AKR1C3: variants seen among roughly 807,000 people sequenced by gnomAD.
The protein encoded by AKR1C3 is 3-alpha hydroxysteroid dehydrogenase, type II.
AKR1C3 carries 48 observed loss-of-function variants against 43.6 expected under a neutral mutation model. The ratio of observed to expected loss-of-function variants is 1.10; its 90% CI spans 0.87 to 1.40. The LOEUF (loss-of-function observed/expected upper bound fraction) is 1.40, where lower values mean the gene tolerates loss of function less well. Among genes scored for constraint, AKR1C3 ranks in the 40% most tolerant of loss-of-function variants. AKR1C3 has a pLI of 0.00. For synonymous variants in AKR1C3, 162 were observed against 139.6 expected (o/e 1.16, Z -1.13); for missense variants, 482 against 391.2 (o/e 1.23, Z -1.96).
chr10:5,057,626 G>A (rs1469104762), intron 1 of AKR1C3, among the ~76,000 whole-genome samples: 2 of 152,148 alleles, frequency 1.3e-5, no homozygotes, highest in African/African-American at 4.8e-5. Context: ...AATAATTCAT[G>A]TGCTTTTTTC....
In AKR1C3 at chr10:5,107,553, G is replaced by A; in HGVS notation, c.*50G>A. Reference sequence around the variant, plus strand: ...ACCAGAAGCCCTGTGTGTGGATGGTGACGCAGAGGACGTCTCTATGCCGGT... The same window carrying A: ...ACCAGAAGCCCTGTGTGTGGATGGTAACGCAGAGGACGTCTCTATGCCGGT... On this transcript the variant is annotated 3_prime_UTR_variant, in exon 9 of 9. Transcript: ENST00000380554. 5 of 1,407,540 alleles carry A rather than the reference G, an allele frequency of 3.6e-6. No homozygotes were observed. The highest frequency in any genetic ancestry group is 5.0e-6 in the Non-Finnish European group (5 of 997,396). 87.2% of individuals were successfully genotyped at this position (1,407,540 alleles called of 1,614,324 possible). A position where few individuals can be genotyped will look rare whatever the true frequency, so the allele number is the denominator to read the frequency against.
In AKR1C3 at chr10:5,105,694, A is replaced by G; in HGVS notation, c.929+17A>G. 1 of 1,584,232 alleles carries G rather than the reference A, an allele frequency of 6.3e-7. No homozygotes were observed. Among genetic ancestry groups the G allele is most frequent in the Non-Finnish European group, 8.7e-7 (1 of 1,154,114 alleles). ...CAGTGATAGGTAAGTTTCCTTTGTA[A>G]ATGGGTGATCTAATTTATTTCTGGA... On this transcript the variant is annotated intron_variant, in intron 8 of 8. Transcript: ENST00000380554.
At chr10:5,107,148 G>A (rs1839525725) in intron 8 of AKR1C3, among the ~76,000 whole-genome samples, 1 of 152,184 alleles carries the variant, frequency 6.6e-6, no homozygotes, top group Admixed American at 6.5e-5. Flanking sequence ...ACAGTAGCAG[G>A]TAATAAGTAA....
At chr10:5,088,201 A>T (rs1554783568) in intron 1 of AKR1C3, among the ~76,000 whole-genome samples, 1 of 152,090 alleles carries the variant, frequency 6.6e-6, no homozygotes, top group Non-Finnish European at 1.5e-5. Context: ...TATGATTTTG[A>T]GTTTTTAATT....
At chr10:5,073,713 TA>T (rs1838656254) in intron 1 of AKR1C3, among the ~76,000 whole-genome samples, 1 of 152,328 alleles carries the variant, frequency 6.6e-6, no homozygotes, top group African/African-American at 2.4e-5. Flanking sequence ...GCCATGACTG[TA>T]TTTTGGTATT....
Position 5,099,366 on chromosome 10 carries a change from A to T in AKR1C3, c.487A>T (p.Ile163Phe), listed in dbSNP as rs1443743492. 6.2e-7 allele frequency: 1 copy of T among 1,614,134 alleles called. No homozygotes were observed. Among genetic ancestry groups the T allele is most frequent in the East Asian group, 2.2e-5 (1 of 44,868 alleles). ...TAAGGATGCAGGATTGGCCAAGTCC[A>T]TTGGGGTGTCAAACTTCAACCGCAG... Reference protein sequence around the residue: ...KCKDAGLAKSIGVSNFNRRQL... With the variant: ...KCKDAGLAKSFGVSNFNRRQL... Residue 163 changes from isoleucine to phenylalanine, a missense_variant, in exon 5 of 9, where the codon ATT becomes TTT. Transcript: ENST00000380554.
In AKR1C3 at chr10:5,098,818, C is replaced by T. The variant is rs782051649; in HGVS notation, c.386C>T (p.Ser129Leu). Reference protein sequence around the residue: ...PMSLKPGEELSPTDENGKVIF... With the variant: ...PMSLKPGEELLPTDENGKVIF... ...CTATTTCAGCCAGGTGAGGAACTTTCACCAACAGATGAAAATGGAAAAGTA... is the reference window on the plus strand; with the variant it reads ...CTATTTCAGCCAGGTGAGGAACTTTTACCAACAGATGAAAATGGAAAAGTA... Residue 129 changes from serine (S) to leucine (L), a missense_variant, in exon 4 of 9, where the codon TCA (serine) becomes TTA (leucine). By Grantham distance (145) the Ser-to-Leu change is moderately radical. Coordinates refer to ENST00000380554, the MANE Select transcript of AKR1C3 (RefSeq NM_003739.6). 3.1e-6 allele frequency: 5 copies of T among 1,613,566 alleles called. No individual in the cohort carries two copies. Among genetic ancestry groups the T allele is most frequent in the Admixed American group, 3.3e-5 (2 of 59,966 alleles).
chr10:5,061,921 T>C (rs1838391569), intron 1 of AKR1C3, among the ~76,000 whole-genome samples: 1 of 152,216 alleles, frequency 6.6e-6, no homozygotes, highest in Non-Finnish European at 1.5e-5. Context: ...AAATGGTGAA[T>C]AATACATCTA....
intron 8 of AKR1C3, 126 bp downstream of exon 8, chr10:5,105,803 C>G (rs1240694944): frequency 1.4e-6 from 1 of 719,950 alleles, no homozygotes; most frequent in African/African-American, 1.8e-5. Flanking sequence ...GACTGGAACT[C>G]TCCTGCTGGA....
intron 7 of AKR1C3, among the ~76,000 whole-genome samples, chr10:5,103,179 C>T (rs1588360050): frequency 6.6e-6 from 1 of 152,320 alleles, no homozygotes; most frequent in East Asian, 1.9e-4. Context: ...TGAGCCACCG[C>T]TCCTGGCCTC....
At chr10:5,078,549 C>T (rs967667044) in intron 1 of AKR1C3, among the ~76,000 whole-genome samples, 1 of 152,070 alleles carries the variant, frequency 6.6e-6, no homozygotes, top group Non-Finnish European at 1.5e-5. Flanking sequence ...ATTCTTGGGT[C>T]AAATGAAAAA....
At chr10:5,086,607 C>G (rs1838971972) in intron 1 of AKR1C3, among the ~76,000 whole-genome samples, 1 of 152,018 alleles carries the variant, frequency 6.6e-6, no homozygotes, top group Middle Eastern at 3.4e-3. Context: ...TGGTGCAGAG[C>G]TGAGTTCAAT....
intron 1 of AKR1C3, among the ~76,000 whole-genome samples, chr10:5,085,953 G>A (rs1485006600): frequency 1.4e-4 from 22 of 151,822 alleles, no homozygotes; most frequent in African/African-American, 5.3e-4. Flanking sequence ...GCGTCTATTT[G>A]ATTCTTCTCT....
intron 4 of AKR1C3, 52 bp downstream of exon 4, chr10:5,098,931 T>C (rs782112742): frequency 1.2e-5 from 18 of 1,461,404 alleles, no homozygotes; most frequent in African/African-American, 2.8e-5. Flanking sequence ...AGAGAAAATC[T>C]GTTTCCCAGG....
upstream of AKR1C3, among the ~76,000 whole-genome samples, chr10:5,091,129 G>A (rs138277620): frequency 2.2e-3 from 331 of 151,926 alleles, 1 homozygote; most frequent in Non-Finnish European, 3.8e-3. Context: ...AGAAGAAAAC[G>A]GAGTAAAATG....
Position 5,102,215 on chromosome 10 carries a change from T to TA in AKR1C3, c.680+10dup. 6.2e-7 allele frequency: 1 copy of TA among 1,609,326 alleles called. No individual in the cohort carries two copies. Among genetic ancestry groups the TA allele is most frequent in the Non-Finnish European group, 8.5e-7 (1 of 1,175,952 alleles). ...ATCTCAACGAGACAAACGATGGTAATAAAAACAATGGGACCTTTACATAAA... is the reference window on the plus strand; with the variant it reads ...ATCTCAACGAGACAAACGATGGTAATAAAAAACAATGGGACCTTTACATAAA... On this transcript the variant is annotated splice_donor_region_variant and intron_variant, in intron 6 of 8. Transcript: ENST00000380554.
intron 3 of AKR1C3, among the ~76,000 whole-genome samples, chr10:5,098,488 A>T (rs1839267763): frequency 6.6e-6 from 1 of 152,232 alleles, no homozygotes; most frequent in Admixed American, 6.5e-5. Context: ...GGTATTTCCA[A>T]ATCAAAGAGA....
chr10:5,097,433 G>A lies in AKR1C3; in HGVS notation c.253-1G>A. The A allele has an allele frequency of 6.2e-7, 1 of 1,613,428 alleles. No individual in the cohort carries two copies. The highest frequency in any genetic ancestry group is 2.2e-5 in the East Asian group (1 of 44,858). ...TCACCTCCATTCTTTAACCTCTGCAGCTTTGGTCCACTTTTCATCGACCAG... is the reference window on the plus strand; with the variant it reads ...TCACCTCCATTCTTTAACCTCTGCAACTTTGGTCCACTTTTCATCGACCAG... On this transcript the variant is annotated splice_acceptor_variant, in intron 2 of 8. Coordinates refer to ENST00000380554, the MANE Select transcript of AKR1C3 (RefSeq NM_003739.6). LOFTEE classifies it high-confidence loss of function.
chr10:5,085,902 C>T (rs1163405589), intron 1 of AKR1C3, among the ~76,000 whole-genome samples: 1 of 151,900 alleles, frequency 6.6e-6, no homozygotes, highest in African/African-American at 2.4e-5. Context: ...GTTTGTATTT[C>T]TGAGGGATCG....
Sources: allele counts gnomAD v4.1 joint callset (sites outside exome capture counted in the v4.1 genomes callset), GRCh38; gene constraint gnomAD v4.1.1; transcripts MANE v1.5; gene names NCBI Gene and HGNC (gene_info 2026-07-23, HGNC 2026-07-21).